Variants in GRIN2B observed in about 807,000 individuals in gnomAD.
GRIN2B encodes glutamate ionotropic receptor NMDA type subunit 2B.
Under a neutral mutation model 114.5 loss-of-function variants are expected in GRIN2B, and 5 were observed. The observed-to-expected ratio is 0.04, with a 90% confidence interval of 0.02 to 0.09. GRIN2B has a LOEUF of 0.09. Ranked by LOEUF, GRIN2B falls within the 10% of genes least tolerant of loss-of-function variation. The pLI is 1.00. For synonymous variants in GRIN2B, 787 were observed against 745.1 expected (o/e 1.06, Z -0.92); for missense variants, 1,108 against 1,943.5 (o/e 0.57, Z 8.08).
Position 13,913,047 on chromosome 12 carries a change from G to A in GRIN2B, c.-18-46821C>T, listed in dbSNP as rs973251358. ...CTGAGCTCCCCAAGCATGCCCCCCA[G>A]CCTTCCACCTGAGTCGAGAGTAACA... On this transcript the variant is annotated intron_variant, in intron 2 of 13. Coordinates refer to ENST00000609686, the MANE Select transcript of GRIN2B (RefSeq NM_000834.5). Among the ~76,000 whole-genome samples the A allele has an allele frequency of 5.9e-5, 9 of 152,206 alleles. No individual in the cohort carries two copies. In the South Asian group the frequency reaches 1.9e-3, roughly 32 times the overall value.
chr12:13,696,153 A>G (rs1028920997), intron 4 of GRIN2B, among the ~76,000 whole-genome samples: 4 of 152,186 alleles, frequency 2.6e-5, no homozygotes, highest in Non-Finnish European at 5.9e-5. Context: ...AAGGAAAGGA[A>G]GCCTGGAGCA....
chr12:13,750,718 C>T lies in GRIN2B; in HGVS notation c.1010+2599G>A, dbSNP rs560975109. 3.9e-5 allele frequency among the ~76,000 whole-genome samples: 6 copies of T among 152,210 alleles called. No homozygotes were observed. In the East Asian group the frequency reaches 5.8e-4, roughly 15 times the overall value. On this transcript the variant is annotated intron_variant, in intron 4 of 13. Coordinates refer to ENST00000609686, the MANE Select transcript of GRIN2B (RefSeq NM_000834.5). The stretch of plus-strand genomic sequence containing the variant: ...ATTATCTTGCAAGAACAGAGCAGAA[C>T]GGGAAGGCTCCTGCAGAGCAGGTGT...
At chr12:13,662,847 A>G (rs1040098421) in intron 5 of GRIN2B, among the ~76,000 whole-genome samples, 1 of 152,208 alleles carries the variant, frequency 6.6e-6, no homozygotes, top group Non-Finnish European at 1.5e-5. Context: ...ATGAAAGGAT[A>G]AAGATTCAGT....
chr12:13,833,479 G>A (rs1865190566), intron 3 of GRIN2B, among the ~76,000 whole-genome samples: 1 of 152,092 alleles, frequency 6.6e-6, no homozygotes, highest in Non-Finnish European at 1.5e-5. Context: ...TAAGTTAACT[G>A]AGAATGTGTT....
At chr12:13,919,414 A>G (rs1233944922) in intron 2 of GRIN2B, among the ~76,000 whole-genome samples, 2 of 152,154 alleles carry the variant, frequency 1.3e-5, no homozygotes, top group Non-Finnish European at 2.9e-5. Context: ...TTCTCTCACA[A>G]CTTTTCTAAA....
At chr12:13,866,850 T>A (rs1222894624) in intron 2 of GRIN2B, among the ~76,000 whole-genome samples, 1 of 152,246 alleles carries the variant, frequency 6.6e-6, no homozygotes, top group Non-Finnish European at 1.5e-5. Flanking sequence ...TTGCCTCAAT[T>A]GATCCTTACA....
intron 3 of GRIN2B, among the ~76,000 whole-genome samples, chr12:13,837,537 T>C (rs1865295801): frequency 6.6e-6 from 1 of 152,236 alleles, no homozygotes; most frequent in African/African-American, 2.4e-5. Context: ...CATTTCCTTC[T>C]ATGTTAACCA....
At chr12:13,781,845 A>G (rs770218071) in intron 3 of GRIN2B, among the ~76,000 whole-genome samples, 1 of 152,222 alleles carries the variant, frequency 6.6e-6, no homozygotes, top group African/African-American at 2.4e-5. Context: ...GTCAGCTGTC[A>G]GGGATTCCTT....
intron 3 of GRIN2B, among the ~76,000 whole-genome samples, chr12:13,821,537 G>A (rs550572142): frequency 6.6e-6 from 1 of 152,298 alleles, no homozygotes; most frequent in South Asian, 2.1e-4. Flanking sequence ...AATGGGACTG[G>A]TGTTAGGAAG....
intron 2 of GRIN2B, among the ~76,000 whole-genome samples, chr12:13,962,702 C>T (rs1867715954): frequency 6.6e-6 from 1 of 152,162 alleles, no homozygotes; most frequent in Non-Finnish European, 1.5e-5. Flanking sequence ...CCCAAGCAAG[C>T]CTTGGAGGCT....
At chr12:13,902,816 A>G (rs1866474820) in intron 2 of GRIN2B, among the ~76,000 whole-genome samples, 2 of 152,152 alleles carry the variant, frequency 1.3e-5, no homozygotes, top group Non-Finnish European at 2.9e-5. Flanking sequence ...CTCTCAAATA[A>G]TAATAAAAAT....
intron 2 of GRIN2B, among the ~76,000 whole-genome samples, chr12:13,896,486 G>T (rs545253015): frequency 6.6e-6 from 1 of 152,184 alleles, no homozygotes; most frequent in Non-Finnish European, 1.5e-5. Context: ...AAAAATGGAC[G>T]ATTAAAGGGA....
chr12:13,662,546 A>G (rs1949934799), intron 5 of GRIN2B, among the ~76,000 whole-genome samples: 1 of 152,070 alleles, frequency 6.6e-6, no homozygotes. Context: ...GATCATATGT[A>G]TTGATTTGTT....
chr12:13,635,732 A>G (rs1949660725), intron 5 of GRIN2B, among the ~76,000 whole-genome samples: 1 of 152,180 alleles, frequency 6.6e-6, no homozygotes, highest in African/African-American at 2.4e-5. Context: ...GCAGTGAAGA[A>G]ATGAGTGTGT....
intron 3 of GRIN2B, among the ~76,000 whole-genome samples, chr12:13,850,787 T>G (rs1865548821): frequency 6.6e-6 from 1 of 152,164 alleles, no homozygotes. Context: ...CAAAATAAAG[T>G]GAAGCATACT....
In GRIN2B at chr12:13,615,592, T is replaced by C. The variant is rs373616165; in HGVS notation, c.1401A>G (p.Lys467=). Reference sequence around the variant, plus strand: ...AGGTGAACTTCACAGATTTAGAAATTTTCTTAAGGATGTCAATACAGAACC... The same window carrying C: ...AGGTGAACTTCACAGATTTAGAAATCTTCTTAAGGATGTCAATACAGAACC... ...CKGFCIDILK[K]ISKSVKFTYD... is the part of the protein sequence containing the mutation. Residue 467 remains lysine (K), a synonymous_variant, in exon 7 of 14, where the codon AAA becomes AAG. Transcript: ENST00000609686. This position sits in a 1 kb window ranked among gnomAD's most constrained non-coding sequence, Gnocchi z 5.8. 11 of 1,612,636 alleles carry C rather than the reference T, an allele frequency of 6.8e-6. No individual in the cohort carries two copies. The highest frequency in any genetic ancestry group is 9.3e-6 in the Non-Finnish European group (11 of 1,178,766).
At chr12:13,654,593 C>T (rs751430876) in intron 5 of GRIN2B, among the ~76,000 whole-genome samples, 16 of 152,088 alleles carry the variant, frequency 1.1e-4, no homozygotes, top group Admixed American at 1.0e-3. Context: ...GCTGCCAATG[C>T]GTCAAATGGT....
At position 13,546,250 on chromosome 12, in the gene GRIN2B, G is replaced by C. The variant is rs573658812; in HGVS notation, c.*16533C>G. 6.6e-5 allele frequency: 10 copies of C among 152,304 alleles called. No individual in the cohort carries two copies. The highest frequency in any genetic ancestry group is 3.9e-4 in the Admixed American group (6 of 15,302). The allele number at this position is 152,304 out of a possible 1,614,324, so 9.4% of individuals were successfully genotyped here. A position where few individuals can be genotyped will look rare whatever the true frequency, so the allele number is the denominator to read the frequency against. ...CTTCCACTCAGAATCTTCTTGACTG[G>C]AGAATGGAAATCATTGGAGAGGGGC... is the stretch of plus-strand genomic sequence containing the variant. On this transcript the variant is annotated 3_prime_UTR_variant, in exon 14 of 14. Transcript: ENST00000609686.
At chr12:13,693,802 C>A (rs1950234695) in intron 4 of GRIN2B, among the ~76,000 whole-genome samples, 1 of 152,170 alleles carries the variant, frequency 6.6e-6, no homozygotes, top group Non-Finnish European at 1.5e-5. Flanking sequence ...GGTGAGGAAC[C>A]TTTTCCTTGC....
Sources: allele counts gnomAD v4.1 joint callset (sites outside exome capture counted in the v4.1 genomes callset), GRCh38; gene constraint gnomAD v4.1.1; non-coding constraint Gnocchi (gnomAD v3.1); transcripts MANE v1.5; gene names NCBI Gene and HGNC (gene_info 2026-07-23, HGNC 2026-07-21).